The following RALY variants were observed in gnomAD, a reference collection of about 807,000 sequenced individuals.
RALY encodes the protein RALY heterogeneous nuclear ribonucleoprotein.
Under a neutral mutation model 30.7 loss-of-function variants are expected in RALY, and 15 were observed. The ratio of observed to expected loss-of-function variants is 0.49; its 90% confidence interval spans 0.33 to 0.75. The LOEUF is 0.75. Ranked by LOEUF, RALY falls within the 30% of genes least tolerant of loss-of-function variation. RALY has a pLI of 0.02. For missense variants in RALY, 339 were observed against 414.3 expected (o/e 0.82, Z 1.58); for synonymous variants, 177 against 170.8 (o/e 1.04, Z -0.28).
chr20:34,084,689 A>C lies in RALY; in HGVS notation c.*4784A>C, dbSNP rs945113550. The C allele has an allele frequency of 6.6e-6, 1 of 152,296 alleles. No individual in the cohort carries two copies. The highest frequency in any genetic ancestry group is 1.5e-5 in the Non-Finnish European group (1 of 68,106). 9.4% of individuals were successfully genotyped at this position (152,296 alleles called of 1,614,324 possible). ...TTGGGACCCAACCACCATGCTGTGA[A>C]GCAGCCCAGGCCACACAGAGAGGCC... On this transcript the variant is annotated 3_prime_UTR_variant, in exon 10 of 10. Coordinates refer to ENST00000246194, the MANE Select transcript of RALY (RefSeq NM_016732.3).
chr20:34,031,079 CTT>C (rs2032254014), intron 1 of RALY, among the ~76,000 whole-genome samples: 2 of 118,062 alleles, frequency 1.7e-5, no homozygotes, highest in Non-Finnish European at 3.2e-5. Context: ...GATTCTCACT[CTT>C]GTCACCCAGG....
In RALY at chr20:34,083,754, C is replaced by T. The variant is rs2034064407; in HGVS notation, c.*3849C>T. The T allele has an allele frequency of 6.6e-6, 1 of 152,244 alleles. No individual in the cohort carries two copies. Among genetic ancestry groups the T allele is most frequent in the Non-Finnish European group, 1.5e-5 (1 of 68,058 alleles). 9.4% of individuals were successfully genotyped at this position (152,244 alleles called of 1,614,324 possible). On this transcript the variant is annotated 3_prime_UTR_variant, in exon 10 of 10. Coordinates refer to ENST00000246194, the MANE Select transcript of RALY (RefSeq NM_016732.3). ...CCAGGTTGACCCGTAAGGTCATAAC[C>T]TGCCCCATAGGATGTTATATGCAGT...
At chr20:34,059,809 C>G (rs1198171473) in intron 2 of RALY, among the ~76,000 whole-genome samples, 1 of 152,164 alleles carries the variant, frequency 6.6e-6, no homozygotes, top group Non-Finnish European at 1.5e-5. Flanking sequence ...ATCAGAGATA[C>G]CAAATAGTGA....
intron 7 of RALY, 88 bp downstream of exon 7, chr20:34,076,903 G>A (rs1269117965): frequency 1.3e-6 from 2 of 1,588,732 alleles, no homozygotes; most frequent in Admixed American, 1.7e-5. Context: ...AGGAGCTAGG[G>A]TGGCCCTGCA....
intron 2 of RALY, among the ~76,000 whole-genome samples, chr20:34,058,854 T>A (rs1186500348): frequency 6.6e-6 from 1 of 152,228 alleles, no homozygotes; most frequent in Non-Finnish European, 1.5e-5. Context: ...TAAGCCACAT[T>A]AAAGGATTTG....
intron 1 of RALY, among the ~76,000 whole-genome samples, chr20:34,015,410 T>C (rs1277706463): frequency 6.6e-6 from 1 of 152,146 alleles, no homozygotes; most frequent in Non-Finnish European, 1.5e-5. Context: ...TTTACCTTTC[T>C]CTACCTACTT....
At chr20:34,079,100 A>G (rs1380001311) in intron 9 of RALY, among the ~76,000 whole-genome samples, 1 of 152,132 alleles carries the variant, frequency 6.6e-6, no homozygotes, top group Non-Finnish European at 1.5e-5. Flanking sequence ...TCAGAGGGTG[A>G]TGATTGTGAA....
intron 2 of RALY, among the ~76,000 whole-genome samples, chr20:34,050,983 T>G (rs1275991540): frequency 1.3e-5 from 2 of 152,204 alleles, no homozygotes; most frequent in Non-Finnish European, 2.9e-5. Context: ...ACATATTTCC[T>G]GTTTATTCAA....
intron 1 of RALY, among the ~76,000 whole-genome samples, chr20:34,011,254 A>G (rs1173300229): frequency 6.6e-6 from 1 of 152,218 alleles, no homozygotes; most frequent in African/African-American, 2.4e-5. Context: ...GAAAGCATCA[A>G]ATAAGTTACA....
chr20:33,998,459 G>A (rs922023719), intron 1 of RALY, among the ~76,000 whole-genome samples: 6 of 152,158 alleles, frequency 3.9e-5, no homozygotes, highest in Admixed American at 2.6e-4. Context: ...CCGAAAGTAC[G>A]TACTGTTACT....
Position 34,023,145 on chromosome 20 carries a change from G to A in RALY, c.-92-8377G>A, listed in dbSNP as rs144829003. On this transcript the variant is annotated intron_variant, in intron 1 of 9. Transcript: ENST00000246194. ...AGATACAGTAGAGGAAGAAGGGCCA[G>A]GCACTAGTCTAGGCAGTTTACGTAA... is the stretch of plus-strand genomic sequence containing the variant. Among the ~76,000 whole-genome samples, 132 of 152,306 alleles carry A rather than the reference G, an allele frequency of 8.7e-4. 1 individual carries two copies. Among genetic ancestry groups the A allele is most frequent in the African/African-American group, 3.1e-3 (130 of 41,574 alleles).
chr20:34,025,924 G>T (rs867168955), intron 1 of RALY, among the ~76,000 whole-genome samples: 193 of 74,990 alleles, frequency 2.6e-3, no homozygotes, highest in Middle Eastern at 0.018. Context: ...TTTTTTTTGT[G>T]GGGGGTGGGG....
Position 33,999,302 on chromosome 20 carries a change from G to T in RALY, c.-93+5171G>T, listed in dbSNP as rs375768789. Among the ~76,000 whole-genome samples the T allele has an allele frequency of 6.0e-4, 92 of 152,190 alleles. No homozygotes were observed. In the South Asian group the frequency reaches 0.012, roughly 20 times the overall value. ...GGAGAAGAAGGAGCACGTAAGGGAG[G>T]GGGTAGGGTTTCTTATGCAGGGTCT... On this transcript the variant is annotated intron_variant, in intron 1 of 9. Transcript: ENST00000246194.
At chr20:34,067,782 C>T (rs2033615701) in intron 2 of RALY, among the ~76,000 whole-genome samples, 1 of 151,546 alleles carries the variant, frequency 6.6e-6, no homozygotes, top group Non-Finnish European at 1.5e-5. Context: ...GGAGCCAGTC[C>T]CCAGTTTTCT....
chr20:34,042,450 T>C (rs2032736209), intron 2 of RALY, among the ~76,000 whole-genome samples: 1 of 152,186 alleles, frequency 6.6e-6, no homozygotes, highest in African/African-American at 2.4e-5. Context: ...ATTATGTCAT[T>C]TCGTTAAGTG....
Position 34,072,302 on chromosome 20 carries a change from T to C in RALY, c.228T>C (p.Asn76=). The stretch of plus-strand genomic sequence containing the variant: ...CCCGGGCAGCTGTGCTGGGAGAGAA[T>C]GGGCGGGTGCTGGCCGGGCAGACCC... ...RHARAAVLGE[N]GRVLAGQTLD... Residue 76 remains asparagine, a synonymous_variant, in exon 3 of 10, where the codon AAT becomes AAC. Coordinates refer to ENST00000246194, the MANE Select transcript of RALY (RefSeq NM_016732.3). 6.2e-7 allele frequency: 1 copy of C among 1,613,626 alleles called. No individual in the cohort carries two copies. The highest frequency in any genetic ancestry group is 8.5e-7 in the Non-Finnish European group (1 of 1,180,016).
At chr20:34,018,827 C>G (rs1197102499) in intron 1 of RALY, among the ~76,000 whole-genome samples, 2 of 152,196 alleles carry the variant, frequency 1.3e-5, no homozygotes, top group African/African-American at 4.8e-5. Context: ...TCCTAATGAT[C>G]CTTACTACAT....
intron 2 of RALY, among the ~76,000 whole-genome samples, chr20:34,059,584 C>G (rs762750531): frequency 1.3e-5 from 2 of 152,202 alleles, no homozygotes; most frequent in African/African-American, 4.8e-5. Context: ...CTTTCCAGGT[C>G]ATACAGCTAG....
chr20:34,075,690 C>T (rs2033854440), intron 5 of RALY, among the ~76,000 whole-genome samples, 184 bp from the exon 6 acceptor site: 1 of 152,162 alleles, frequency 6.6e-6, no homozygotes, highest in African/African-American at 2.4e-5. Context: ...TAGTGAGGAT[C>T]CCAACAGCCA....
Sources: allele counts gnomAD v4.1 joint callset (sites outside exome capture counted in the v4.1 genomes callset), GRCh38; gene constraint gnomAD v4.1.1; transcripts MANE v1.5; gene names NCBI Gene and HGNC (gene_info 2026-07-23, HGNC 2026-07-21).